Variants in DLGAP2 observed in about 807,000 individuals in gnomAD.
DLGAP2 encodes disks large-associated protein 2.
Under a neutral mutation model 100.3 loss-of-function variants are expected in DLGAP2, and 26 were observed. The ratio of observed to expected loss-of-function variants is 0.26; its 90% CI spans 0.19 to 0.36. DLGAP2 has a LOEUF of 0.36. Ranked by LOEUF, DLGAP2 falls within the 10% of genes least tolerant of loss-of-function variation. The probability of loss-of-function intolerance (pLI) is 1.00; values close to 1 mark genes in which losing one functional copy is unlikely to be tolerated. For synonymous variants in DLGAP2, 886 were observed against 630.1 expected (o/e 1.41, Z -6.08); for missense variants, 1,858 against 1,453.2 (o/e 1.28, Z -4.53).
At position 1,705,855 on chromosome 8, in the gene DLGAP2, C is replaced by T. The variant is rs1359951098; in HGVS notation, c.*4449C>T. 6.6e-6 allele frequency: 1 copy of T among 152,170 alleles called. No homozygotes were observed. The highest frequency in any genetic ancestry group is 1.9e-4 in the East Asian group (1 of 5,196). The allele number at this position is 152,170 out of a possible 1,614,324, so 9.4% of individuals were successfully genotyped here. A position where few individuals can be genotyped will look rare whatever the true frequency, so the allele number is the denominator to read the frequency against. ...CTTCTCTGTAGGCGTGGGTTGAATA[C>T]AAGTTTCCAAAACTTTAAAATAGAA... On this transcript the variant is annotated 3_prime_UTR_variant, in exon 15 of 15. Coordinates refer to ENST00000637795, the MANE Select transcript of DLGAP2 (RefSeq NM_001346810.2).
intron 3 of DLGAP2, among the ~76,000 whole-genome samples, chr8:1,392,767 C>G (rs1796397812): frequency 6.6e-6 from 1 of 151,048 alleles, no homozygotes; most frequent in Admixed American, 6.6e-5. Context: ...TGCTCATGGG[C>G]TGTGTTCTTT....
intron 1 of DLGAP2, among the ~76,000 whole-genome samples, chr8:835,726 C>G (rs1010896240): frequency 7.2e-5 from 11 of 152,180 alleles, no homozygotes; most frequent in Non-Finnish European, 1.5e-4. Flanking sequence ...CACCAAATGT[C>G]TGAAATACTT....
At chr8:1,661,608 C>T (rs930652170) in intron 8 of DLGAP2, among the ~76,000 whole-genome samples, 21 of 152,062 alleles carry the variant, frequency 1.4e-4, no homozygotes, top group African/African-American at 4.6e-4. Flanking sequence ...GAGGAAGAGG[C>T]GGCCACCAGG....
At chr8:1,196,703 C>G (rs1797758894) in intron 2 of DLGAP2, among the ~76,000 whole-genome samples, 1 of 152,128 alleles carries the variant, frequency 6.6e-6, no homozygotes, top group Non-Finnish European at 1.5e-5. Context: ...CATGATTTCC[C>G]AAGCAGCCGC....
intron 3 of DLGAP2, among the ~76,000 whole-genome samples, chr8:1,339,349 G>T (rs183682230): frequency 6.6e-6 from 1 of 151,216 alleles, no homozygotes; most frequent in Non-Finnish European, 1.5e-5. Flanking sequence ...ATGAGGACCC[G>T]GGAGGGAATG....
At chr8:987,101 A>C (rs774457504) in intron 2 of DLGAP2, among the ~76,000 whole-genome samples, 1 of 152,012 alleles carries the variant, frequency 6.6e-6, no homozygotes, top group Non-Finnish European at 1.5e-5. Flanking sequence ...CTTTTTTCCT[A>C]TACTTCTTTG....
At chr8:1,295,398 G>A (rs770592097) in intron 3 of DLGAP2, among the ~76,000 whole-genome samples, 1 of 152,212 alleles carries the variant, frequency 6.6e-6, no homozygotes. Flanking sequence ...GGTGGCTCTG[G>A]AGTTCTCCCT....
intron 3 of DLGAP2, among the ~76,000 whole-genome samples, chr8:1,349,388 A>G (rs1232565948): frequency 2.7e-5 from 4 of 147,934 alleles, no homozygotes; most frequent in African/African-American, 7.6e-5. Flanking sequence ...CACGCATGTC[A>G]TGAGCCTGCC....
chr8:1,602,498 G>A (rs549936608), intron 6 of DLGAP2, among the ~76,000 whole-genome samples: 1 of 152,200 alleles, frequency 6.6e-6, no homozygotes, highest in Non-Finnish European at 1.5e-5. Flanking sequence ...AGCTAGCCAG[G>A]GCTGGAGGCC....
At chr8:888,710 G>A (rs1045113410) in intron 1 of DLGAP2, among the ~76,000 whole-genome samples, 3 of 151,734 alleles carry the variant, frequency 2.0e-5, no homozygotes, top group Non-Finnish European at 2.9e-5. Context: ...GCCTGGAGAT[G>A]TCACTCAGGG....
At chr8:1,407,424 C>A (rs1796594854) in intron 3 of DLGAP2, among the ~76,000 whole-genome samples, 1 of 134,302 alleles carries the variant, frequency 7.4e-6, no homozygotes, top group African/African-American at 2.8e-5. Context: ...ACCTCCTTGT[C>A]CTCCAGAGTC....
chr8:1,174,916 G>A (rs13275152), intron 2 of DLGAP2, among the ~76,000 whole-genome samples: 76,492 of 151,874 alleles, frequency 0.5, 20,281 homozygotes, highest in Admixed American at 0.62. Flanking sequence ...CTCTGAGAGA[G>A]CTTATGTTGT....
At chr8:1,040,141 G>T (rs1022605510) in intron 2 of DLGAP2, among the ~76,000 whole-genome samples, 11 of 139,282 alleles carry the variant, frequency 7.9e-5, no homozygotes, top group Admixed American at 2.9e-4. Context: ...TGGTCAGCTC[G>T]CTGCACGTGT....
rs1584932285 is a variant in DLGAP2, at chr8:967,656, A to C, written c.73+59690A>C. ...GATTTTTTTCTTGGATGGGTTGTGG[A>C]TTTCTGAGAAATGTACAAATACCTA... On this transcript the variant is annotated intron_variant, in intron 2 of 14. Coordinates refer to ENST00000637795, the MANE Select transcript of DLGAP2 (RefSeq NM_001346810.2). Among the ~76,000 whole-genome samples the C allele has an allele frequency of 2.0e-5, 3 of 148,894 alleles. No homozygotes were observed. The Middle Eastern group carries it at 0.01, about 517-fold the overall frequency.
chr8:1,172,769 C>T (rs1038923674), intron 2 of DLGAP2, among the ~76,000 whole-genome samples: 1 of 152,136 alleles, frequency 6.6e-6, no homozygotes, highest in Non-Finnish European at 1.5e-5. Flanking sequence ...ATTGGTTATT[C>T]TAGTTATACA....
At chr8:958,093 A>G (rs977073160) in intron 2 of DLGAP2, among the ~76,000 whole-genome samples, 5 of 152,140 alleles carry the variant, frequency 3.3e-5, no homozygotes, top group African/African-American at 1.2e-4. Flanking sequence ...GTGTCTATAA[A>G]TCTGACCATT....
chr8:1,311,752 G>GAAGGAAAA (rs1800619372), intron 3 of DLGAP2, among the ~76,000 whole-genome samples: 1 of 151,702 alleles, frequency 6.6e-6, no homozygotes. Context: ...AAATTTCTCA[G>GAAGGAAAA]TATGATAAAG....
intron 3 of DLGAP2, among the ~76,000 whole-genome samples, chr8:1,382,058 G>T (rs1433627520): frequency 1.3e-5 from 2 of 152,088 alleles, no homozygotes; most frequent in Non-Finnish European, 2.9e-5. Flanking sequence ...CCCTCATGCA[G>T]TCAGAAATCC....
intron 2 of DLGAP2, among the ~76,000 whole-genome samples, chr8:1,169,558 T>C (rs1016761623): frequency 1.3e-5 from 2 of 152,228 alleles, no homozygotes; most frequent in Non-Finnish European, 2.9e-5. Flanking sequence ...TTAATTTCAC[T>C]GAGCAGTGGT....
Sources: gnomAD v4.1 joint callset for allele counts (sites outside exome capture counted in the v4.1 genomes callset) on GRCh38, gnomAD v4.1.1 for gene constraint, MANE v1.5 for transcripts, NCBI Gene and HGNC (gene_info 2026-07-23, HGNC 2026-07-21) for gene names.